The following RTN4RL1 variants were observed in gnomAD, a reference collection of about 807,000 sequenced individuals.
RTN4RL1 encodes reticulon 4 receptor like 1.
A neutral mutation model predicts 25.6 loss-of-function variants in RTN4RL1; 7 were observed. That is an observed-to-expected ratio of 0.27 (90% confidence interval 0.16 to 0.51). RTN4RL1 has a LOEUF of 0.51. Among genes scored for constraint, RTN4RL1 ranks in the 20% least tolerant of loss-of-function variants. The pLI, the probability that RTN4RL1 is intolerant of heterozygous loss-of-function variation, is 0.97. For missense variants in RTN4RL1, 500 were observed against 615.6 expected (o/e 0.81, Z 1.99); for synonymous variants, 297 against 288.2 (o/e 1.03, Z -0.31).
At chr17:1,975,366 G>C (rs2066838478) in intron 1 of RTN4RL1, among the ~76,000 whole-genome samples, 1 of 152,068 alleles carries the variant, frequency 6.6e-6, no homozygotes, top group Non-Finnish European at 1.5e-5. Flanking sequence ...AAAACTTTGG[G>C]GGGACCAGAC....
intron 1 of RTN4RL1, among the ~76,000 whole-genome samples, chr17:1,985,999 C>A (rs2066885729): frequency 6.6e-6 from 1 of 152,064 alleles, no homozygotes; most frequent in Non-Finnish European, 1.5e-5. Flanking sequence ...CCCAGCTAAG[C>A]AACAAGCAGG....
In RTN4RL1 at chr17:1,936,148, G is replaced by A; in HGVS notation, c.*348C>T. The A allele has an allele frequency of 9.1e-7, 1 of 1,102,142 alleles. No homozygotes were observed. Among genetic ancestry groups the A allele is most frequent in the Non-Finnish European group, 1.1e-6 (1 of 903,728 alleles). 68.3% of individuals were successfully genotyped at this position (1,102,142 alleles called of 1,614,324 possible). A position where few individuals can be genotyped will look rare whatever the true frequency, so the allele number is the denominator to read the frequency against. The stretch of plus-strand genomic sequence containing the variant: ...CCTCCAGACCTCTCGGAACGATCGG[G>A]ATTCCACAGAGCCCCGGTGCCGCCG... On this transcript the variant is annotated 3_prime_UTR_variant, in exon 2 of 2. Coordinates refer to ENST00000331238, the MANE Select transcript of RTN4RL1 (RefSeq NM_178568.4).
chr17:1,962,800 T>C (rs571529538), intron 1 of RTN4RL1, among the ~76,000 whole-genome samples: 306 of 146,808 alleles, frequency 2.1e-3, no homozygotes, highest in African/African-American at 7.3e-3. Flanking sequence ...AGGCAGAGGT[T>C]GCAGTGAGCC....
chr17:1,945,746 G>C (rs944941169), intron 1 of RTN4RL1, among the ~76,000 whole-genome samples: 2 of 152,208 alleles, frequency 1.3e-5, no homozygotes, highest in Non-Finnish European at 2.9e-5. Context: ...TCCGCACTGA[G>C]TGTATGTTGA....
intron 1 of RTN4RL1, among the ~76,000 whole-genome samples, chr17:1,999,135 C>A (rs1345018255): frequency 9.4e-4 from 96 of 102,374 alleles, no homozygotes; most frequent in African/African-American, 4.5e-3. Flanking sequence ...TGAATGTGTG[C>A]TCATCATACA....
At chr17:1,970,562 G>A (rs2066814355) in intron 1 of RTN4RL1, among the ~76,000 whole-genome samples, 1 of 152,202 alleles carries the variant, frequency 6.6e-6, no homozygotes, top group South Asian at 2.1e-4. Flanking sequence ...CAGGAGGGAT[G>A]GGGGCCATCT....
intron 1 of RTN4RL1, among the ~76,000 whole-genome samples, chr17:2,007,861 G>A (rs112623098): frequency 3.3e-5 from 5 of 150,686 alleles, no homozygotes; most frequent in Non-Finnish European, 7.4e-5. Flanking sequence ...CAGGAGAATC[G>A]CTTGACCCTG....
intron 1 of RTN4RL1, among the ~76,000 whole-genome samples, chr17:1,997,913 C>A (rs1033441638): frequency 1.6e-4 from 24 of 152,354 alleles, no homozygotes; most frequent in African/African-American, 5.3e-4. Context: ...CGGCAGGGGC[C>A]GGCGCGCTCC....
chr17:1,936,925 C>A lies in RTN4RL1; in HGVS notation c.897G>T (p.Glu299Asp). 1 of 1,610,648 alleles carries A rather than the reference C, an allele frequency of 6.2e-7. No homozygotes were observed. Among genetic ancestry groups the A allele is most frequent in the Non-Finnish European group, 8.5e-7 (1 of 1,179,144 alleles). The change falls in exon 2 of 2, where the codon GAG (glutamate) becomes GAT (aspartate). Residue 299 changes from glutamate (E) to aspartate (D), a missense_variant. Transcript: ENST00000331238. ...CTGGTCCCGTGCAGTTCCGGAAGTC[C>A]TCGGCCCTCAGCAGCTTCAGGTCCT... ...HGQDLKLLRAEDFRNCTGPAS... is the reference protein window; with the variant it reads ...HGQDLKLLRADDFRNCTGPAS...
At chr17:1,971,690 C>T (rs1346223948) in intron 1 of RTN4RL1, among the ~76,000 whole-genome samples, 2 of 151,606 alleles carry the variant, frequency 1.3e-5, no homozygotes, top group Non-Finnish European at 2.9e-5. Flanking sequence ...AGGCCAGGCA[C>T]GGTGGCTCAA....
chr17:2,017,222 T>C (rs542581741), intron 1 of RTN4RL1, among the ~76,000 whole-genome samples: 106 of 152,326 alleles, frequency 7.0e-4, no homozygotes, highest in African/African-American at 2.4e-3. Flanking sequence ...AAGCAAACTT[T>C]CTACCACCTC....
chr17:1,941,625 G>A (rs961731440), intron 1 of RTN4RL1, among the ~76,000 whole-genome samples: 2 of 152,086 alleles, frequency 1.3e-5, no homozygotes, highest in African/African-American at 4.8e-5. Context: ...ATCCGAGCCC[G>A]GGGGAGTGCT....
intron 1 of RTN4RL1, among the ~76,000 whole-genome samples, chr17:1,962,673 C>T (rs866982571): frequency 6.6e-5 from 10 of 151,662 alleles, no homozygotes; most frequent in South Asian, 6.2e-4. Flanking sequence ...GAGATCAGCC[C>T]GGCCAACATG....
chr17:1,976,023 A>G (rs938554550), intron 1 of RTN4RL1, among the ~76,000 whole-genome samples: 13 of 152,146 alleles, frequency 8.5e-5, no homozygotes, highest in Admixed American at 2.0e-4. Context: ...TTCAGCACTC[A>G]CTCAAAATGC....
intron 1 of RTN4RL1, among the ~76,000 whole-genome samples, chr17:1,979,631 A>T (rs144024246): frequency 6.6e-6 from 1 of 152,214 alleles, no homozygotes; most frequent in Non-Finnish European, 1.5e-5. Flanking sequence ...AGCATTCCCC[A>T]TGGGAGTCTT....
Position 1,937,321 on chromosome 17 carries a change from G to A in RTN4RL1, c.501C>T (p.Asp167=). ...QDNHIEYLQD[D]IFVDLVNLSH... ...TGAGGTTGACCAGGTCCACGAAGAT[G>A]TCGTCCTGGAGGTACTCGATGTGGT... is the stretch of plus-strand genomic sequence containing the variant. The change falls in exon 2 of 2, where the codon GAC becomes GAT. Residue 167 remains aspartate, a synonymous_variant. Transcript: ENST00000331238. The A allele has an allele frequency of 6.2e-7, 1 of 1,613,562 alleles. No individual in the cohort carries two copies. Among genetic ancestry groups the A allele is most frequent in the Non-Finnish European group, 8.5e-7 (1 of 1,179,888 alleles).
chr17:1,937,812 G>A lies in RTN4RL1; in HGVS notation c.14-4C>T. 6.3e-7 allele frequency: 1 copy of A among 1,577,550 alleles called. No homozygotes were observed. The highest frequency in any genetic ancestry group is 8.6e-7 in the Non-Finnish European group (1 of 1,164,432). ...AGCAGCAACTCCACACAGCACCCTG[G>A]CAGGGAGAGAGAGCACAGCCAGGTC... is the stretch of plus-strand genomic sequence containing the variant. On this transcript the variant is annotated splice_polypyrimidine_tract_variant and splice_region_variant and intron_variant, in intron 1 of 1. Coordinates refer to ENST00000331238, the MANE Select transcript of RTN4RL1 (RefSeq NM_178568.4).
intron 1 of RTN4RL1, among the ~76,000 whole-genome samples, chr17:2,008,354 A>C (rs1206873610): frequency 2.0e-5 from 3 of 152,192 alleles, no homozygotes; most frequent in Admixed American, 6.5e-5. Context: ...CACATTAAAA[A>C]AAAGGAATTA....
intron 1 of RTN4RL1, among the ~76,000 whole-genome samples, chr17:2,015,373 G>A (rs1048682766): frequency 9.2e-5 from 14 of 152,170 alleles, no homozygotes; most frequent in Non-Finnish European, 1.3e-4. Context: ...GGTGGCTCTG[G>A]ACATCAGAGG....
Sources: gnomAD v4.1 joint callset for allele counts (sites outside exome capture counted in the v4.1 genomes callset) on GRCh38, gnomAD v4.1.1 for gene constraint, MANE v1.5 for transcripts, NCBI Gene and HGNC (gene_info 2026-07-23, HGNC 2026-07-21) for gene names.